The following BORCS5 variants were observed in gnomAD, a reference collection of about 807,000 sequenced individuals.
The protein encoded by BORCS5 is BLOC-1-related complex subunit 5.
In BORCS5, 17 loss-of-function variants were observed where a neutral mutation model predicts 22.1. The observed-to-expected ratio is 0.77, with a 90% confidence interval of 0.53 to 1.15. The LOEUF (loss-of-function observed/expected upper bound fraction) is 1.15, where lower values mean the gene tolerates loss of function less well. Ranked by LOEUF, BORCS5 falls within the 50% of genes most tolerant of loss-of-function variation. BORCS5 has a pLI of 0.00. For synonymous variants in BORCS5, 117 were observed against 99.8 expected (o/e 1.17, Z -1.03); for missense variants, 247 against 253.2 (o/e 0.98, Z 0.17).
rs561008588 is a variant in BORCS5 at position 12,419,116 on chromosome 12, A to G, written c.203-16512A>G. 4.1e-4 allele frequency among the ~76,000 whole-genome samples: 62 copies of G among 152,224 alleles called. 1 individual carries two copies. Among genetic ancestry groups the G allele is most frequent in the African/African-American group, 1.5e-3 (62 of 41,526 alleles). On this transcript the variant is annotated intron_variant, in intron 2 of 3. Transcript: ENST00000314565. The stretch of plus-strand genomic sequence containing the variant: ...AAGTGTAGGTTTGATAAATAGGTAT[A>G]TATGTGCCATGTTGGTTTGCTGCAC...
intron 2 of BORCS5, among the ~76,000 whole-genome samples, chr12:12,368,486 C>T (rs1443524735): frequency 6.6e-6 from 1 of 151,924 alleles, no homozygotes; most frequent in Non-Finnish European, 1.5e-5. Context: ...GATCTGTCAT[C>T]CAGGCTGGAG....
At chr12:12,413,574 C>G (rs1055519860) in intron 2 of BORCS5, among the ~76,000 whole-genome samples, 1 of 143,674 alleles carries the variant, frequency 7.0e-6, no homozygotes, top group African/African-American at 2.7e-5. Context: ...TCATCATGGC[C>G]CATCCCCAAT....
chr12:12,374,049 G>A (rs1044644201), intron 2 of BORCS5, among the ~76,000 whole-genome samples: 160 of 143,008 alleles, frequency 1.1e-3, no homozygotes, highest in African/African-American at 4.2e-3. Flanking sequence ...GTGCAGTGGT[G>A]CAATCTCGGC....
rs908777608 is a variant in BORCS5, at chr12:12,401,324, G to T, written c.203-34304G>T. Among the ~76,000 whole-genome samples the T allele has an allele frequency of 2.6e-5, 4 of 152,152 alleles. No individual in the cohort carries two copies. In the South Asian group the frequency reaches 8.3e-4, roughly 32 times the overall value. On this transcript the variant is annotated intron_variant, in intron 2 of 3. Transcript: ENST00000314565. ...CACATCCTCAGTAAAACCGGATATT[G>T]TCCCAGCTGTTCCTTGCTTATTGAT...
chr12:12,440,651 G>A (rs900588800), intron 3 of BORCS5, among the ~76,000 whole-genome samples: 1 of 151,858 alleles, frequency 6.6e-6, no homozygotes, highest in African/African-American at 2.4e-5. Context: ...GGAAGAGGGG[G>A]GCATTGCTGC....
intron 2 of BORCS5, among the ~76,000 whole-genome samples, chr12:12,402,944 G>A (rs1398029938): frequency 6.6e-6 from 1 of 152,094 alleles, no homozygotes; most frequent in East Asian, 1.9e-4. Flanking sequence ...TTTATACTTG[G>A]TGCCCAGAAA....
chr12:12,358,533 T>C (rs1465708267), intron 1 of BORCS5, among the ~76,000 whole-genome samples: 1 of 152,242 alleles, frequency 6.6e-6, no homozygotes, highest in Non-Finnish European at 1.5e-5. Context: ...ATTGCCACCT[T>C]TGACATTCTT....
intron 2 of BORCS5, among the ~76,000 whole-genome samples, chr12:12,403,486 C>T (rs1941523714): frequency 6.6e-6 from 1 of 152,130 alleles, no homozygotes; most frequent in Non-Finnish European, 1.5e-5. Context: ...GTGGGGGGCA[C>T]CTTCCTGCTT....
chr12:12,406,756 C>T (rs1264016964), intron 2 of BORCS5, among the ~76,000 whole-genome samples: 1 of 151,968 alleles, frequency 6.6e-6, no homozygotes, highest in African/African-American at 2.4e-5. Flanking sequence ...CATTTCTAAC[C>T]TGTGTATACT....
At chr12:12,454,571 G>A (rs185983649) in intron 3 of BORCS5, among the ~76,000 whole-genome samples, 130 of 152,300 alleles carry the variant, frequency 8.5e-4, no homozygotes, top group Admixed American at 1.7e-3. Flanking sequence ...TCCTAATTGG[G>A]AGAATTGGTA....
intron 2 of BORCS5, among the ~76,000 whole-genome samples, chr12:12,425,859 A>C (rs1214285175): frequency 6.7e-6 from 1 of 148,214 alleles, no homozygotes; most frequent in Non-Finnish European, 1.5e-5. Context: ...TAGGCCAGTC[A>C]TACAGCCAGC....
intron 3 of BORCS5, among the ~76,000 whole-genome samples, chr12:12,461,063 G>C (rs1433150861): frequency 2.0e-5 from 3 of 152,062 alleles, no homozygotes; most frequent in African/African-American, 7.2e-5. Flanking sequence ...CTTTGAAATG[G>C]ACTGCCCCAG....
chr12:12,391,021 CA>C (rs1941167455), intron 2 of BORCS5, among the ~76,000 whole-genome samples: 1 of 152,032 alleles, frequency 6.6e-6, no homozygotes, highest in Non-Finnish European at 1.5e-5. Flanking sequence ...GCCATGATTT[CA>C]AAATTTCCAT....
chr12:12,429,839 C>T (rs776730543), intron 2 of BORCS5, among the ~76,000 whole-genome samples: 2 of 152,272 alleles, frequency 1.3e-5, no homozygotes, highest in East Asian at 1.9e-4. Context: ...TTCAGGCTCC[C>T]AATAGTCTTC....
At chr12:12,449,992 A>G (rs778555808) in intron 3 of BORCS5, among the ~76,000 whole-genome samples, 27 of 152,214 alleles carry the variant, frequency 1.8e-4, no homozygotes, top group African/African-American at 2.2e-4. Flanking sequence ...CTGATTAATG[A>G]TAGATTTTTA....
rs555979400 is a variant in BORCS5, at chr12:12,436,479, G to T, written c.360+694G>T. On this transcript the variant is annotated intron_variant, in intron 3 of 3. Coordinates refer to ENST00000314565, the MANE Select transcript of BORCS5 (RefSeq NM_058169.6). ...TCTAGGGGCATAAAGGAATAAGTAA[G>T]TACATTTTCCAAAGTTTCCAGTCAA... 6.6e-5 allele frequency among the ~76,000 whole-genome samples: 10 copies of T among 152,322 alleles called. No homozygotes were observed. The South Asian group carries it at 1.4e-3, about 22-fold the overall frequency.
intron 3 of BORCS5, among the ~76,000 whole-genome samples, chr12:12,438,599 T>C (rs1942616005): frequency 6.6e-6 from 1 of 152,088 alleles, no homozygotes; most frequent in African/African-American, 2.4e-5. Context: ...TCGGAAGTTT[T>C]TTCCTCCAAT....
intron 2 of BORCS5, among the ~76,000 whole-genome samples, chr12:12,413,423 A>C (rs1295899185): frequency 1.4e-5 from 2 of 147,524 alleles, no homozygotes; most frequent in African/African-American, 2.6e-5. Context: ...ACAGGATCCC[A>C]AGGCAGAAGA....
chr12:12,408,176 C>G (rs1337914424), intron 2 of BORCS5, among the ~76,000 whole-genome samples: 1 of 152,106 alleles, frequency 6.6e-6, no homozygotes, highest in Non-Finnish European at 1.5e-5. Context: ...TGTGTATATA[C>G]CACATTTTGT....
Sources: gnomAD v4.1 joint callset for allele counts (sites outside exome capture counted in the v4.1 genomes callset) on GRCh38, gnomAD v4.1.1 for gene constraint, MANE v1.5 for transcripts, NCBI Gene and HGNC (gene_info 2026-07-23, HGNC 2026-07-21) for gene names.